Variants in SLC38A10 observed in about 807,000 individuals in gnomAD.
SLC38A10 encodes the protein Sodium-coupled neutral amino acid transporter 10.
SLC38A10 carries 53 observed loss-of-function variants against 81.0 expected under a neutral mutation model. That is an observed-to-expected ratio of 0.65 (90% CI 0.53 to 0.82). The LOEUF is 0.82. Among genes scored for constraint, SLC38A10 ranks in the 40% least tolerant of loss-of-function variants. SLC38A10 has a pLI of 0.00. For missense variants in SLC38A10, 1,471 were observed against 1,545.0 expected (o/e 0.95, Z 0.80); for synonymous variants, 665 against 655.3 (o/e 1.01, Z -0.23).
chr17:81,263,153 C>G (rs1426151398), intron 10 of SLC38A10: 1 of 152,252 alleles, frequency 6.6e-6, no homozygotes, highest in Non-Finnish European at 1.5e-5. Flanking sequence ...CAGGGCAGTA[C>G]CTGGGGACCG....
chr17:81,281,154 G>A lies in SLC38A10; in HGVS notation c.502-421C>T, dbSNP rs183063182. On this transcript the variant is annotated intron_variant, in intron 5 of 15. Coordinates refer to ENST00000374759, the MANE Select transcript of SLC38A10 (RefSeq NM_001037984.3). The surrounding 1 kb of genome is among the most constrained non-coding windows in gnomAD (Gnocchi z 5.3). ...CCAAAAGACTGGCCCACCAGGACGC[G>A]GCTGTCTCAAGAGTAAAGAGGTAGC... Among the ~76,000 whole-genome samples, 5 of 152,340 alleles carry A rather than the reference G, an allele frequency of 3.3e-5. No homozygotes were observed. The highest frequency in any genetic ancestry group is 1.9e-4 in the East Asian group (1 of 5,194).
Position 81,276,934 on chromosome 17 carries a change from A to G in SLC38A10, c.729+97T>C. 1.6e-6 allele frequency: 2 copies of G among 1,265,794 alleles called. No individual in the cohort carries two copies. The highest frequency in any genetic ancestry group is 2.3e-6 in the Non-Finnish European group (2 of 872,872). 78.4% of individuals were successfully genotyped at this position (1,265,794 alleles called of 1,614,324 possible). Reference sequence around the variant, plus strand: ...AACAGAGAGAAAAACCCAGCAGCACACAGGGCCAGGGCCATGCCTGTGGCA... The same window carrying G: ...AACAGAGAGAAAAACCCAGCAGCACGCAGGGCCAGGGCCATGCCTGTGGCA... On this transcript the variant is annotated intron_variant, in intron 7 of 15. Coordinates refer to ENST00000374759, the MANE Select transcript of SLC38A10 (RefSeq NM_001037984.3). The surrounding 1 kb of genome is among the most constrained non-coding windows in gnomAD (Gnocchi z 4.7).
Position 81,276,244 on chromosome 17 carries a change from C to T in SLC38A10, c.730-93G>A, listed in dbSNP as rs2063161361. The T allele has an allele frequency of 4.1e-6, 5 of 1,224,382 alleles. No homozygotes were observed. The highest frequency in any genetic ancestry group is 3.3e-6 in the Non-Finnish European group (3 of 903,056). The allele number at this position is 1,224,382 out of a possible 1,614,324, so 75.8% of individuals were successfully genotyped here. On this transcript the variant is annotated intron_variant, in intron 7 of 15. Transcript: ENST00000374759. The surrounding 1 kb of genome is among the most constrained non-coding windows in gnomAD (Gnocchi z 4.7). ...GGCAGGGCATGGGGGGGACCTGTGC[C>T]CTGCCCCCCAGAATGGCCTTCAATC...
chr17:81,287,687 C>G (rs1357050511), intron 2 of SLC38A10, among the ~76,000 whole-genome samples: 3 of 152,216 alleles, frequency 2.0e-5, no homozygotes, highest in African/African-American at 7.2e-5. Context: ...GGCAGGAGTT[C>G]CAGGCAGCAC....
rs747537718 is a variant in SLC38A10 at position 81,245,533 on chromosome 17, G to A, written c.*23C>T. 8.5e-5 allele frequency: 133 copies of A among 1,568,580 alleles called. No homozygotes were observed. Among genetic ancestry groups the A allele is most frequent in the Non-Finnish European group, 1.0e-4 (117 of 1,156,524 alleles). On this transcript the variant is annotated 3_prime_UTR_variant, in exon 16 of 16. Coordinates refer to ENST00000374759, the MANE Select transcript of SLC38A10 (RefSeq NM_001037984.3). Reference sequence around the variant, plus strand: ...CTGGCCGAGGAGGGCAGTGGCTGGCGTGGCCCTCATGGCCAGCAGGTGCTA... The same window carrying A: ...CTGGCCGAGGAGGGCAGTGGCTGGCATGGCCCTCATGGCCAGCAGGTGCTA...
intron 15 of SLC38A10, 37 bp from the exon 16 acceptor site, chr17:81,246,710 CTG>C: frequency 8.0e-6 from 12 of 1,506,248 alleles, no homozygotes; most frequent in Non-Finnish European, 1.1e-5. Context: ...AGCCACAGCA[CTG>C]TACACAGGCT....
At chr17:81,258,174 A>C (rs538228855) in intron 11 of SLC38A10, among the ~76,000 whole-genome samples, 4 of 152,282 alleles carry the variant, frequency 2.6e-5, no homozygotes, top group Middle Eastern at 3.4e-3. Flanking sequence ...TCACCCAGTC[A>C]GCAGGTACCA....
At position 81,246,852 on chromosome 17, in the gene SLC38A10, C is replaced by A. The variant is rs1027850495; in HGVS notation, c.2242+33G>T. 3.2e-6 allele frequency: 5 copies of A among 1,557,886 alleles called. No individual in the cohort carries two copies. In the African/African-American group the frequency reaches 4.0e-5, roughly 13 times the overall value. ...GGACAGCAGGAGACCCCCTGCCTGG[C>A]CCCACCCCACTCCATCCGCCAGCCC... On this transcript the variant is annotated intron_variant, in intron 15 of 15. Transcript: ENST00000374759.
rs2063064211 is a variant in SLC38A10, at chr17:81,265,703, CT to C, written c.1131+5214del. 1.3e-5 allele frequency among the ~76,000 whole-genome samples: 2 copies of C among 152,378 alleles called. No homozygotes were observed. The highest frequency in any genetic ancestry group is 4.1e-4 in the South Asian group (2 of 4,832). Reference sequence around the variant, plus strand: ...CCCTCCGTGGGCGCAGCCGGAGCCCCTGGGACAGTGGCCACGCCGAGATGTG... The same window carrying C: ...CCCTCCGTGGGCGCAGCCGGAGCCCCGGGACAGTGGCCACGCCGAGATGTG... On this transcript the variant is annotated intron_variant, in intron 10 of 15. Coordinates refer to ENST00000374759, the MANE Select transcript of SLC38A10 (RefSeq NM_001037984.3). The surrounding 1 kb of genome is among the most constrained non-coding windows in gnomAD (Gnocchi z 4.2).
chr17:81,275,567 A>C (rs2063152614), intron 8 of SLC38A10, among the ~76,000 whole-genome samples: 1 of 150,736 alleles, frequency 6.6e-6, no homozygotes, highest in Non-Finnish European at 1.5e-5. Flanking sequence ...CCCCATCTCT[A>C]CTAAAAATAC....
At position 81,279,505 on chromosome 17, in the gene SLC38A10, C is replaced by T. The variant is rs372780910; in HGVS notation, c.626+1104G>A. On this transcript the variant is annotated intron_variant, in intron 6 of 15. Transcript: ENST00000374759. ...CACAGGGGTGGGGAGGTCAGCGCAG[C>T]GGCCAGCACAAGGAGGGATGTCCCT... Among the ~76,000 whole-genome samples, 321 of 152,280 alleles carry T rather than the reference C, an allele frequency of 2.1e-3. 3 individuals are homozygous for T. The highest frequency in any genetic ancestry group is 7.4e-3 in the African/African-American group (307 of 41,562).
chr17:81,279,303 C>T (rs1294476527), intron 6 of SLC38A10, among the ~76,000 whole-genome samples: 1 of 152,254 alleles, frequency 6.6e-6, no homozygotes, highest in Admixed American at 6.5e-5. Context: ...ATAGTGAAGG[C>T]ACAAGGGAGA....
chr17:81,263,121 A>AC (rs1567933484), intron 10 of SLC38A10: 2 of 151,992 alleles, frequency 1.3e-5, no homozygotes, highest in South Asian at 2.1e-4. Flanking sequence ...CTGCACAGGG[A>AC]CCCCCACCAC....
At chr17:81,248,293 C>T (rs1202271397) in intron 14 of SLC38A10, among the ~76,000 whole-genome samples, 3 of 152,168 alleles carry the variant, frequency 2.0e-5, no homozygotes, top group Admixed American at 6.5e-5. Context: ...GGAGCTGGAG[C>T]GTCAGTGAGG....
intron 14 of SLC38A10, chr17:81,247,677 A>AT (rs2062865894): frequency 7.9e-5 from 12 of 151,438 alleles, no homozygotes; most frequent in African/African-American, 1.5e-4. Context: ...AACAAAAAAA[A>AT]CAAAAAAATA....
intron 11 of SLC38A10, among the ~76,000 whole-genome samples, chr17:81,259,687 C>T (rs2063003685): frequency 6.6e-6 from 1 of 152,148 alleles, no homozygotes; most frequent in Non-Finnish European, 1.5e-5. Context: ...GGTTATGGGG[C>T]GCTGCGGCCG....
chr17:81,283,428 G>A lies in SLC38A10; in HGVS notation c.338C>T (p.Ala113Val). The change falls in exon 4 of 16, where the codon GCC becomes GTC. Residue 113 changes from alanine to valine, a missense_variant. Coordinates refer to ENST00000374759, the MANE Select transcript of SLC38A10 (RefSeq NM_001037984.3). The surrounding 1 kb of genome is among the most constrained non-coding windows in gnomAD (Gnocchi z 4.7). ...CCTTACCTGAAACCCGAACAGCCGG[G>A]CAAAGAAGTTGGACCCCAAGTCGCC... Reference protein sequence around the residue: ...VIGDLGSNFFARLFGFQVGGT... With the variant: ...VIGDLGSNFFVRLFGFQVGGT... 6.2e-7 allele frequency: 1 copy of A among 1,612,056 alleles called. No individual in the cohort carries two copies. The highest frequency in any genetic ancestry group is 8.5e-7 in the Non-Finnish European group (1 of 1,178,982).
chr17:81,246,762 TG>T, intron 15 of SLC38A10, 89 bp from the exon 16 acceptor site: 1 of 1,499,470 alleles, frequency 6.7e-7, no homozygotes, highest in South Asian at 1.4e-5. Context: ...ACAACAGCAT[TG>T]GGAACCAAAA....
intron 14 of SLC38A10, chr17:81,247,711 G>A (rs2062866379): frequency 4.0e-5 from 6 of 151,542 alleles, no homozygotes; most frequent in Admixed American, 2.0e-4. Flanking sequence ...TATGGTGAGA[G>A]GCGTCTGTAC....
Sources: gnomAD v4.1 joint callset for allele counts (sites outside exome capture counted in the v4.1 genomes callset) on GRCh38, gnomAD v4.1.1 for gene constraint, Gnocchi (gnomAD v3.1) non-coding constraint, MANE v1.5 for transcripts, NCBI Gene and HGNC (gene_info 2026-07-23, HGNC 2026-07-21) for gene names.